DNAH17: variants seen among roughly 807,000 people sequenced by gnomAD.
DNAH17 encodes the protein axonemal beta dynein heavy chain 17.
Under a neutral mutation model 485.6 loss-of-function variants are expected in DNAH17, and 376 were observed. The ratio of observed to expected loss-of-function variants is 0.77; its 90% CI spans 0.71 to 0.84. The LOEUF (loss-of-function observed/expected upper bound fraction) is 0.84, where lower values mean the gene tolerates loss of function less well. Among genes scored for constraint, DNAH17 ranks in the 40% least tolerant of loss-of-function variants. The probability of loss-of-function intolerance (pLI) is 0.00; values close to 1 mark genes in which losing one functional copy is unlikely to be tolerated. For synonymous variants in DNAH17, 3,031 were observed against 2,405.9 expected (o/e 1.26, Z -7.60); for missense variants, 6,370 against 5,839.3 (o/e 1.09, Z -2.96).
At chr17:78,500,948 A>G in intron 35 of DNAH17, 1 of 402,040 alleles carries the variant, frequency 2.5e-6, no homozygotes, top group African/African-American at 2.0e-5. Context: ...GAGGGTCCAT[A>G]AAACATGACC....
chr17:78,575,043 C>T lies in DNAH17; in HGVS notation c.15G>A (p.Pro5=), dbSNP rs61744340. 1.1e-3 allele frequency: 1,775 copies of T among 1,612,784 alleles called. 24 individuals carry two copies. The African/African-American group carries it at 0.02, about 19-fold the overall frequency. Residue 5 remains proline, a synonymous_variant, in exon 2 of 81, where the codon CCG becomes CCA. Transcript: ENST00000389840. The part of the protein sequence containing the change: MTMA[P]DVRLEYLEEV... ...CCTCCAGATACTCTAGTCTGACGTC[C>T]GGGGCCATTGTCATCTTGGCCTTTC... is the stretch of plus-strand genomic sequence containing the variant.
At chr17:78,470,401 A>G (rs1157535684) in intron 54 of DNAH17, among the ~76,000 whole-genome samples, 2 of 150,988 alleles carry the variant, frequency 1.3e-5, no homozygotes, top group Non-Finnish European at 3.0e-5. Flanking sequence ...AAAAAAATTA[A>G]AAAACAGGCC....
chr17:78,490,826 C>A lies in DNAH17; in HGVS notation c.6691G>T (p.Glu2231Ter), dbSNP rs778357087. The A allele has an allele frequency of 6.2e-7, 1 of 1,601,542 alleles. No individual in the cohort carries two copies. Among genetic ancestry groups the A allele is most frequent in the Admixed American group, 1.7e-5 (1 of 58,286 alleles). ...ATGGTGCGGTTCAGGGGGATCCGCT[C>A]GTTGCTGGCCAGGGTGAGGACCTAG... is the stretch of plus-strand genomic sequence containing the variant. ...DNKVLTLASN[E>*]RIPLNRTMRL... Residue 2231 changes from glutamate (E) to a stop codon, truncating the protein, a stop_gained, in exon 44 of 81, where the codon GAG (glutamate) becomes TAG (stop). Transcript: ENST00000389840. LOFTEE classifies it high-confidence loss of function.
In DNAH17 at chr17:78,455,767, C is replaced by A. The variant is rs1207371919; in HGVS notation, c.10047G>T (p.Gly3349=). ...AESVENFRSQ[G]VTLCGDVLLI... Reference sequence around the variant, plus strand: ...GCAGGACGTCCCCACACAGCGTGACCCCCTGGCTCCTGAAGTTCTCCACAG... The same window carrying A: ...GCAGGACGTCCCCACACAGCGTGACACCCTGGCTCCTGAAGTTCTCCACAG... The change falls in exon 63 of 81, where the codon GGG becomes GGT. Residue 3349 remains glycine, a synonymous_variant. Transcript: ENST00000389840. 4.3e-6 allele frequency: 7 copies of A among 1,613,556 alleles called. No individual in the cohort carries two copies. Among genetic ancestry groups the A allele is most frequent in the Non-Finnish European group, 5.9e-6 (7 of 1,179,732 alleles).
At chr17:78,466,454 AAAAAAAT>A (rs914188870) in intron 56 of DNAH17, among the ~76,000 whole-genome samples, 194 bp downstream of exon 56, 86 of 151,882 alleles carry the variant, frequency 5.7e-4, no homozygotes, top group African/African-American at 2.0e-3. Context: ...AATAAATTAA[AAAAAAAT>A]AAAAAATAAA....
rs753184913 is a variant in DNAH17 at position 78,558,208 on chromosome 17, T to C, written c.2078A>G (p.Gln693Arg). 2 of 1,613,860 alleles carry C rather than the reference T, an allele frequency of 1.2e-6. No homozygotes were observed. The highest frequency in any genetic ancestry group is 2.2e-5 in the South Asian group (2 of 91,020). ...REVKYLNFQQ[Q>R]KEIPDSAESL... Reference sequence around the variant, plus strand: ...CTCCGCACTGTCTGGAATCTCTTTCTGTTGCTGGAAATTCAAATACTTGAC... The same window carrying C: ...CTCCGCACTGTCTGGAATCTCTTTCCGTTGCTGGAAATTCAAATACTTGAC... Residue 693 changes from glutamine to arginine, a missense_variant, in exon 14 of 81, where the codon CAG becomes CGG. By Grantham distance (43) the Gln-to-Arg change is conservative. Coordinates refer to ENST00000389840, the MANE Select transcript of DNAH17 (RefSeq NM_173628.4).
At chr17:78,474,831 T>C (rs920010292) in intron 54 of DNAH17, among the ~76,000 whole-genome samples, 1 of 149,750 alleles carries the variant, frequency 6.7e-6, no homozygotes, top group African/African-American at 2.5e-5. Context: ...GGCCGGAAGG[T>C]TTCACTCTCT....
intron 1 of DNAH17, among the ~76,000 whole-genome samples, 159 bp from the exon 2 acceptor site, chr17:78,575,241 G>T (rs1039742514): frequency 6.6e-5 from 10 of 152,232 alleles, no homozygotes; most frequent in African/African-American, 2.4e-4. Context: ...TGGGGTGGGG[G>T]TGCTTTAGCA....
rs34251460 is a variant in DNAH17 at position 78,557,636 on chromosome 17, C to CAAAAAAAAAAAA, written c.2178+460_2178+471dup. Among the ~76,000 whole-genome samples, 152 of 29,040 alleles carry CAAAAAAAAAAAA rather than the reference C, an allele frequency of 5.2e-3. 10 individuals carry two copies. Among genetic ancestry groups the CAAAAAAAAAAAA allele is most frequent in the Non-Finnish European group, 7.9e-3 (112 of 14,206 alleles). The allele number at this position is 29,040 out of a possible 152,430, so 19.1% of individuals were successfully genotyped here. On this transcript the variant is annotated intron_variant, in intron 14 of 80. Coordinates refer to ENST00000389840, the MANE Select transcript of DNAH17 (RefSeq NM_173628.4). The stretch of plus-strand genomic sequence containing the variant: ...CCTGGGTGACAGAGTGAGACTGTCT[C>CAAAAAAAAAAAA]AAAAAAAAAAAAAAAAAAAAAAAAA...
intron 54 of DNAH17, among the ~76,000 whole-genome samples, chr17:78,473,559 A>T (rs920129989): frequency 7.9e-5 from 12 of 151,256 alleles, no homozygotes; most frequent in Non-Finnish European, 1.8e-4. Context: ...AAAAAAAAAA[A>T]AAAAAAGAAA....
chr17:78,461,523 C>G (rs375202983), intron 58 of DNAH17, 21 bp downstream of exon 58: 1 of 1,544,192 alleles, frequency 6.5e-7, no homozygotes, highest in Non-Finnish European at 8.7e-7. Flanking sequence ...CCTGAAGGCA[C>G]GCTGGGCTGC....
intron 12 of DNAH17, among the ~76,000 whole-genome samples, 194 bp downstream of exon 12, chr17:78,561,521 C>G (rs1200265817): frequency 1.3e-5 from 2 of 152,110 alleles, no homozygotes; most frequent in Non-Finnish European, 2.9e-5. Context: ...AGCCAGATTT[C>G]TCCTGAGCAC....
Position 78,551,600 on chromosome 17 carries a change from G to A in DNAH17, c.2326C>T (p.His776Tyr), listed in dbSNP as rs1397054892. 2 of 1,614,000 alleles carry A rather than the reference G, an allele frequency of 1.2e-6. No homozygotes were observed. The highest frequency in any genetic ancestry group is 2.2e-5 in the South Asian group (2 of 91,082). ...QYIQEVREIL[H>Y]NLQNRMQKAK... is the part of the protein sequence containing the mutation. ...TTTTGCATCCTGTTCTGCAAGTTGT[G>A]CAGAATTTCTCGCACCTCTTGAATG... Residue 776 changes from histidine to tyrosine, a missense_variant, in exon 16 of 81, where the codon CAC becomes TAC. By Grantham distance (83) the His-to-Tyr change is moderately conservative. Transcript: ENST00000389840.
intron 54 of DNAH17, among the ~76,000 whole-genome samples, chr17:78,471,682 CCGCT>C (rs1173246591): frequency 6.6e-6 from 1 of 152,166 alleles, no homozygotes; most frequent in Non-Finnish European, 1.5e-5. Context: ...GCTTGAGCCA[CCGCT>C]CCCGGCCCGT....
At chr17:78,559,350 G>T (rs975267770) in intron 13 of DNAH17, among the ~76,000 whole-genome samples, 9 of 152,148 alleles carry the variant, frequency 5.9e-5, no homozygotes, top group Admixed American at 2.6e-4. Context: ...CTCCCCTGTG[G>T]CCTCTGCCCC....
intron 77 of DNAH17, among the ~76,000 whole-genome samples, chr17:78,427,389 T>A (rs2086514261): frequency 6.6e-6 from 1 of 152,210 alleles, no homozygotes; most frequent in Admixed American, 6.5e-5. Context: ...CATTTGTTCA[T>A]TCCCACGCAC....
At chr17:78,474,998 G>C (rs2088947777) in intron 54 of DNAH17, among the ~76,000 whole-genome samples, 1 of 148,176 alleles carries the variant, frequency 6.7e-6, no homozygotes. Flanking sequence ...CTTCACCTCA[G>C]TCACATGGAC....
intron 34 of DNAH17, 144 bp downstream of exon 34, chr17:78,501,598 G>A: frequency 8.0e-7 from 1 of 1,246,746 alleles, no homozygotes; most frequent in Non-Finnish European, 1.1e-6. Context: ...GTCCGGGCAA[G>A]GAGGTTAGGA....
At position 78,425,442 on chromosome 17, in the gene DNAH17, T is replaced by C. The variant is rs1462026784; in HGVS notation, c.13045A>G (p.Lys4349Glu). 22 of 1,613,944 alleles carry C rather than the reference T, an allele frequency of 1.4e-5. No individual in the cohort carries two copies. The highest frequency in any genetic ancestry group is 1.9e-5 in the Non-Finnish European group (22 of 1,179,890). The change falls in exon 80 of 81, where the codon AAG (lysine) becomes GAG (glutamate). Residue 4349 changes from lysine to glutamate, a missense_variant. By Grantham distance (56) the Lys-to-Glu change is moderately conservative. Coordinates refer to ENST00000389840, the MANE Select transcript of DNAH17 (RefSeq NM_173628.4). Reference protein sequence around the residue: ...MARKNEWPLDKMCLSVEVTKK... With the variant: ...MARKNEWPLDEMCLSVEVTKK... ...GTCACCTCGACAGACAGACACATCTTGTCCAGGGGCCACTCGTTCTTCCTG... is the reference window on the plus strand; with the variant it reads ...GTCACCTCGACAGACAGACACATCTCGTCCAGGGGCCACTCGTTCTTCCTG...
Sources: allele counts gnomAD v4.1 joint callset (sites outside exome capture counted in the v4.1 genomes callset), GRCh38; gene constraint gnomAD v4.1.1; transcripts MANE v1.5; gene names NCBI Gene and HGNC (gene_info 2026-07-23, HGNC 2026-07-21).